The following STK3 variants were observed in gnomAD, a reference collection of about 807,000 sequenced individuals.
STK3 encodes the protein serine/threonine kinase 3.
Under a neutral mutation model 58.0 loss-of-function variants are expected in STK3, and 41 were observed. The observed-to-expected ratio is 0.71, with a 90% CI of 0.55 to 0.92. STK3 has a LOEUF of 0.92. Ranked by LOEUF, STK3 falls within the 40% of genes least tolerant of loss-of-function variation. The probability of loss-of-function intolerance (pLI) is 0.00; values close to 1 mark genes in which losing one functional copy is unlikely to be tolerated. For synonymous variants in STK3, 170 were observed against 191.0 expected (o/e 0.89, Z 0.91); for missense variants, 479 against 602.7 (o/e 0.79, Z 2.15).
chr8:98,537,701 C>T (rs1809886590), intron 9 of STK3, among the ~76,000 whole-genome samples: 1 of 152,096 alleles, frequency 6.6e-6, no homozygotes. Context: ...ATAATTTTAA[C>T]GTTCAGAATT....
chr8:98,940,361 C>T (rs947561038), intron 1 of STK3, among the ~76,000 whole-genome samples: 3 of 152,198 alleles, frequency 2.0e-5, no homozygotes, highest in Non-Finnish European at 2.9e-5. Context: ...GAAATCCAAA[C>T]CCGGGCTGGA....
intron 7 of STK3, chr8:98,595,286 A>C (rs1291639255): frequency 1.3e-5 from 2 of 151,556 alleles, no homozygotes; most frequent in Non-Finnish European, 2.9e-5. Context: ...GACTTTGGAA[A>C]GTTACTTTTT....
At chr8:98,530,552 A>G (rs891057766) in intron 9 of STK3, among the ~76,000 whole-genome samples, 6 of 152,134 alleles carry the variant, frequency 3.9e-5, no homozygotes, top group African/African-American at 1.4e-4. Flanking sequence ...CAGTGGGAGA[A>G]CCCTGGAGAA....
At chr8:98,856,451 A>G (rs1218069416) in intron 3 of STK3, among the ~76,000 whole-genome samples, 1 of 152,260 alleles carries the variant, frequency 6.6e-6, no homozygotes, top group Admixed American at 6.5e-5. Flanking sequence ...AGCACATGAA[A>G]AAATGGTTGA....
At chr8:98,847,604 T>C (rs1225384986) in intron 3 of STK3, among the ~76,000 whole-genome samples, 1 of 152,176 alleles carries the variant, frequency 6.6e-6, no homozygotes, top group South Asian at 2.1e-4. Context: ...AGTAGCAGAA[T>C]TACTGTCACC....
chr8:98,609,908 C>G (rs113135630), intron 6 of STK3, among the ~76,000 whole-genome samples: 2 of 149,704 alleles, frequency 1.3e-5, no homozygotes, highest in African/African-American at 4.9e-5. Flanking sequence ...TGCAGTGAGC[C>G]GAGATCAGAG....
At chr8:98,820,004 T>C (rs79926625) in intron 1 of STK3, among the ~76,000 whole-genome samples, 1,791 of 152,262 alleles carry the variant, frequency 0.012, 14 homozygotes, top group Non-Finnish European at 0.019. Context: ...TACAAGTTGA[T>C]GTGGGCTCTT....
chr8:98,431,363 A>T (rs1213232769), intron 3 of STK3: 1 of 167,104 alleles, frequency 6.0e-6, no homozygotes, highest in Non-Finnish European at 1.5e-5. Flanking sequence ...TCTCTGAAGC[A>T]TCAGGAAAAG....
chr8:98,681,007 T>C (rs1469273795), intron 6 of STK3, among the ~76,000 whole-genome samples: 2 of 149,666 alleles, frequency 1.3e-5, no homozygotes, highest in African/African-American at 4.9e-5. Context: ...TTTGGTGTTG[T>C]TGTTGTTTTG....
intron 6 of STK3, among the ~76,000 whole-genome samples, chr8:98,646,890 A>T (rs912252827): frequency 6.6e-6 from 1 of 152,110 alleles, no homozygotes; most frequent in East Asian, 1.9e-4. Flanking sequence ...GAGGCCTCCC[A>T]ACTGGCCTCT....
intron 1 of STK3, among the ~76,000 whole-genome samples, chr8:98,931,867 A>C (rs910252633): frequency 2.6e-5 from 4 of 152,334 alleles, no homozygotes; most frequent in Admixed American, 2.6e-4. Flanking sequence ...TTTCGCCTTC[A>C]CTAATGAATG....
At chr8:98,756,141 C>CA (rs569803318) in intron 3 of STK3, among the ~76,000 whole-genome samples, 2,641 of 108,438 alleles carry the variant, frequency 0.024, 72 homozygotes, top group African/African-American at 0.084. Context: ...GGCTCCGCCT[C>CA]AAAAAAAAAA....
chr8:98,731,854 C>A (rs1303392978), intron 4 of STK3, among the ~76,000 whole-genome samples: 1 of 152,046 alleles, frequency 6.6e-6, no homozygotes, highest in Non-Finnish European at 1.5e-5. Flanking sequence ...TACGGTGAGA[C>A]CTGAGCAGCC....
At chr8:98,421,204 T>A (rs1330397726) in intron 3 of STK3, among the ~76,000 whole-genome samples, 1 of 152,172 alleles carries the variant, frequency 6.6e-6, no homozygotes, top group African/African-American at 2.4e-5. Context: ...AGTTCAGCTG[T>A]CAGCCTCCCA....
chr8:98,825,132 TA>T (rs1835165079), intron 1 of STK3, among the ~76,000 whole-genome samples: 1 of 152,226 alleles, frequency 6.6e-6, no homozygotes, highest in Admixed American at 6.5e-5. Context: ...CTTGCATCCA[TA>T]AATACTTTTG....
At chr8:98,521,990 A>C (rs1825399990) in intron 10 of STK3, among the ~76,000 whole-genome samples, 1 of 152,176 alleles carries the variant, frequency 6.6e-6, no homozygotes, top group Non-Finnish European at 1.5e-5. Context: ...ATAAATCAGT[A>C]TAATTTATTT....
At chr8:98,595,283 G>T (rs1360714883) in intron 7 of STK3, 1 of 150,672 alleles carries the variant, frequency 6.6e-6, no homozygotes, top group Non-Finnish European at 1.5e-5. Flanking sequence ...TGGGACTTTG[G>T]AAAGTTACTT....
chr8:98,919,992 T>C (rs1839494923), intron 1 of STK3, among the ~76,000 whole-genome samples: 1 of 152,244 alleles, frequency 6.6e-6, no homozygotes, highest in Non-Finnish European at 1.5e-5. Context: ...ATGAATCCAA[T>C]CTTTTTCCAT....
rs942914739 is a variant in STK3, at chr8:98,497,425, A to G, written c.1317+29317T>C. Among the ~76,000 whole-genome samples, 5 of 151,188 alleles carry G rather than the reference A, an allele frequency of 3.3e-5. No individual in the cohort carries two copies. In the East Asian group the frequency reaches 5.8e-4, roughly 18 times the overall value. On this transcript the variant is annotated intron_variant, in intron 10 of 10. Transcript: ENST00000419617. Reference sequence around the variant, plus strand: ...TAGCTATGATACCAAAAGCACTAGTAAAAAAAAAGAAAAAAGGAAACTGGA... The same window carrying G: ...TAGCTATGATACCAAAAGCACTAGTGAAAAAAAAGAAAAAAGGAAACTGGA...
Sources: gnomAD v4.1 joint callset for allele counts (sites outside exome capture counted in the v4.1 genomes callset) on GRCh38, gnomAD v4.1.1 for gene constraint, MANE v1.5 for transcripts, NCBI Gene and HGNC (gene_info 2026-07-23, HGNC 2026-07-21) for gene names.